Variants in GRID2 observed in about 807,000 individuals in gnomAD.
The protein encoded by GRID2 is glutamate receptor ionotropic, delta-2.
In GRID2, 33 loss-of-function variants were observed where a neutral mutation model predicts 114.8. The observed-to-expected ratio is 0.29, with a 90% CI of 0.22 to 0.38. The LOEUF (loss-of-function observed/expected upper bound fraction) is 0.38, where lower values mean the gene tolerates loss of function less well. Ranked by LOEUF, GRID2 falls within the 10% of genes least tolerant of loss-of-function variation. GRID2 has a pLI of 1.00. For synonymous variants in GRID2, 505 were observed against 449.9 expected, an observed-to-expected ratio of 1.12 and a Z score of -1.55; for missense variants, 1,184 against 1,257.7, an observed-to-expected ratio of 0.94 and a Z score of 0.89.
chr4:92,901,823 TTG>T (rs373258158), intron 2 of GRID2, among the ~76,000 whole-genome samples: 7 of 149,578 alleles, frequency 4.7e-5, no homozygotes, highest in East Asian at 2.0e-4. Context: ...TATTATCTTT[TTG>T]TGTGTGTGTG....
intron 1 of GRID2, among the ~76,000 whole-genome samples, chr4:92,478,312 A>AAAG (rs1226566421): frequency 1.3e-5 from 2 of 152,088 alleles, no homozygotes; most frequent in Middle Eastern, 3.2e-3. Flanking sequence ...CAGTGGCTTT[A>AAAG]CCCCTACAAC....
chr4:92,439,602 AT>A (rs977719621), intron 1 of GRID2, among the ~76,000 whole-genome samples: 2 of 146,068 alleles, frequency 1.4e-5, no homozygotes, highest in African/African-American at 4.9e-5. Context: ...AAGGGGTGAT[AT>A]TGTGGGGATG....
At chr4:93,783,043 T>G (rs1054745507) in intron 1 of GRID2, among the ~76,000 whole-genome samples, 2 of 152,174 alleles carry the variant, frequency 1.3e-5, no homozygotes, top group African/African-American at 4.8e-5. Context: ...TGGACTGCAA[T>G]TAATAAAATA....
intron 4 of GRID2, among the ~76,000 whole-genome samples, chr4:93,131,759 TCTTC>T (rs1307219433): frequency 6.6e-6 from 1 of 152,174 alleles, no homozygotes; most frequent in Non-Finnish European, 1.5e-5. Flanking sequence ...ATTAATCATT[TCTTC>T]ATGTTGGAAA....
At chr4:92,749,965 A>C (rs1737365023) in intron 2 of GRID2, among the ~76,000 whole-genome samples, 1 of 151,968 alleles carries the variant, frequency 6.6e-6, no homozygotes, top group African/African-American at 2.4e-5. Flanking sequence ...TAGTTCCAGC[A>C]ATTCTCCTGC....
chr4:93,794,779 C>G (rs1734764212), intron 1 of GRID2, among the ~76,000 whole-genome samples: 1 of 152,152 alleles, frequency 6.6e-6, no homozygotes, highest in African/African-American at 2.4e-5. Flanking sequence ...ATTTTTCTCC[C>G]CACTCCCCTT....
At chr4:92,965,090 G>A (rs1441422843) in intron 2 of GRID2, among the ~76,000 whole-genome samples, 1 of 151,776 alleles carries the variant, frequency 6.6e-6, no homozygotes, top group Non-Finnish European at 1.5e-5. Context: ...CCTTTCACTT[G>A]AGCATGTAGA....
In GRID2 at chr4:93,286,717, G is replaced by A. The variant is rs944500368; in HGVS notation, c.1245+48227G>A. On this transcript the variant is annotated intron_variant, in intron 8 of 15. Transcript: ENST00000282020. ...GGGGTGTGTGTGTGTGTGTGTGTGT[G>A]TGTATGTTCCCACATTAGTTGTGGA... Among the ~76,000 whole-genome samples the A allele has an allele frequency of 2.5e-3, 362 of 145,100 alleles. 3 individuals carry two copies. Among genetic ancestry groups the A allele is most frequent in the African/African-American group, 9.3e-3 (328 of 35,134 alleles).
chr4:93,021,033 A>C (rs1397407756), intron 2 of GRID2, among the ~76,000 whole-genome samples: 3 of 144,066 alleles, frequency 2.1e-5, no homozygotes, highest in African/African-American at 7.6e-5. Flanking sequence ...AATTTGTCTC[A>C]AAAAAAAAAA....
At chr4:92,943,685 C>A (rs964345264) in intron 2 of GRID2, among the ~76,000 whole-genome samples, 3 of 152,126 alleles carry the variant, frequency 2.0e-5, no homozygotes, top group Non-Finnish European at 2.9e-5. Context: ...TTTTTCTGCT[C>A]TGTTTTTTCC....
chr4:93,556,214 C>T (rs1734301244), intron 13 of GRID2, among the ~76,000 whole-genome samples: 1 of 152,128 alleles, frequency 6.6e-6, no homozygotes, highest in African/African-American at 2.4e-5. Flanking sequence ...TCCAAAGGAT[C>T]ACAACTCCTC....
intron 2 of GRID2, among the ~76,000 whole-genome samples, chr4:92,736,055 G>A (rs1328294566): frequency 6.6e-6 from 1 of 152,000 alleles, no homozygotes; most frequent in Non-Finnish European, 1.5e-5. Context: ...CATGACAAAA[G>A]GATTTAGCAA....
chr4:92,693,420 T>G (rs185408350), intron 2 of GRID2, among the ~76,000 whole-genome samples: 4 of 152,354 alleles, frequency 2.6e-5, no homozygotes, highest in Non-Finnish European at 5.9e-5. Flanking sequence ...TTTGCATCTG[T>G]TTTTCCAGTT....
chr4:93,394,181 A>G (rs777547918), intron 8 of GRID2, among the ~76,000 whole-genome samples: 4 of 152,028 alleles, frequency 2.6e-5, no homozygotes, highest in Non-Finnish European at 5.9e-5. Context: ...AAATATGGCA[A>G]GAGGACCACA....
chr4:92,979,525 A>T (rs1754064509), intron 2 of GRID2, among the ~76,000 whole-genome samples: 1 of 152,142 alleles, frequency 6.6e-6, no homozygotes, highest in Non-Finnish European at 1.5e-5. Flanking sequence ...ATTTGAATGC[A>T]TGCTGAAGTT....
intron 2 of GRID2, among the ~76,000 whole-genome samples, chr4:92,997,552 C>A (rs1438933915): frequency 6.6e-6 from 1 of 152,104 alleles, no homozygotes; most frequent in Non-Finnish European, 1.5e-5. Flanking sequence ...TATAGCACAT[C>A]CTTAACCTCA....
intron 1 of GRID2, among the ~76,000 whole-genome samples, chr4:92,479,242 A>G (rs1234128992): frequency 6.6e-6 from 1 of 152,152 alleles, no homozygotes; most frequent in Non-Finnish European, 1.5e-5. Context: ...GGAAATAATT[A>G]CATGGTTTTT....
At position 93,709,072 on chromosome 4, in the gene GRID2, TTA is replaced by T. The variant is rs892470389; in HGVS notation, c.2361-60136_2361-60135del. On this transcript the variant is annotated intron_variant, in intron 14 of 15. Coordinates refer to ENST00000282020, the MANE Select transcript of GRID2 (RefSeq NM_001510.4). The stretch of plus-strand genomic sequence containing the variant: ...AAGTCTTGAAAAGTTGTTGTAGTTG[TTA>T]TGTTTGACAGATTCATCTTTCATCT... Among the ~76,000 whole-genome samples, 46 of 151,942 alleles carry T rather than the reference TTA, an allele frequency of 3.0e-4. 1 individual carries two copies. Among genetic ancestry groups the T allele is most frequent in the Non-Finnish European group, 5.3e-4 (36 of 67,930 alleles).
chr4:93,599,747 G>C (rs1032900916), intron 13 of GRID2, among the ~76,000 whole-genome samples: 1 of 152,180 alleles, frequency 6.6e-6, no homozygotes, highest in African/African-American at 2.4e-5. Flanking sequence ...AAGAGTCGCA[G>C]TTACATGGCT....
Sources: gnomAD v4.1 joint callset for allele counts (sites outside exome capture counted in the v4.1 genomes callset) on GRCh38, gnomAD v4.1.1 for gene constraint, MANE v1.5 for transcripts, NCBI Gene and HGNC (gene_info 2026-07-23, HGNC 2026-07-21) for gene names.